The following RARB variants were observed in gnomAD, a reference collection of about 807,000 sequenced individuals.
RARB encodes HBV-activated protein.
RARB carries 17 observed loss-of-function variants against 51.9 expected under a neutral mutation model. The ratio of observed to expected loss-of-function variants is 0.33; its 90% CI spans 0.22 to 0.49. RARB has a LOEUF of 0.49. Among genes scored for constraint, RARB ranks in the 20% least tolerant of loss-of-function variants. The pLI, the probability that RARB is intolerant of heterozygous loss-of-function variation, is 0.99. For synonymous variants in RARB, 215 were observed against 195.4 expected, an observed-to-expected ratio of 1.10 and a Z score of -0.84; for missense variants, 369 against 550.8, an observed-to-expected ratio of 0.67 and a Z score of 3.30.
intron 5 of RARB, among the ~76,000 whole-genome samples, chr3:25,589,534 G>T (rs769911914): frequency 6.6e-6 from 1 of 152,206 alleles, no homozygotes; most frequent in South Asian, 2.1e-4. Context: ...GGCCCTCACC[G>T]TAAGAGAGGT....
At chr3:25,254,326 T>A (rs1475882246) in intron 5 of RARB, among the ~76,000 whole-genome samples, 1 of 152,206 alleles carries the variant, frequency 6.6e-6, no homozygotes, top group Admixed American at 6.5e-5. Flanking sequence ...AAGATTTACT[T>A]CTCTACATAG....
intron 5 of RARB, among the ~76,000 whole-genome samples, chr3:25,188,428 A>G (rs73145401): frequency 0.017 from 2,648 of 152,264 alleles, 84 homozygotes; most frequent in African/African-American, 0.061. Flanking sequence ...AGCTAAATCA[A>G]GATCAAAAGT....
chr3:25,363,820 C>G (rs562246750), intron 5 of RARB, among the ~76,000 whole-genome samples: 1 of 152,192 alleles, frequency 6.6e-6, no homozygotes, highest in Non-Finnish European at 1.5e-5. Flanking sequence ...TCAGCTTCAT[C>G]CCTACTAACA....
At chr3:25,539,060 C>T (rs1325143346) in intron 3 of RARB, among the ~76,000 whole-genome samples, 6 of 152,164 alleles carry the variant, frequency 3.9e-5, no homozygotes, top group African/African-American at 1.4e-4. Context: ...AACAGACAAC[C>T]GTTAATGACA....
intron 5 of RARB, among the ~76,000 whole-genome samples, chr3:25,219,668 AT>A (rs1197863250): frequency 6.6e-6 from 1 of 152,174 alleles, no homozygotes; most frequent in Non-Finnish European, 1.5e-5. Context: ...GCATCTTCAA[AT>A]TAAGCATGTG....
At chr3:25,038,060 A>C (rs1212267917) in intron 2 of RARB, among the ~76,000 whole-genome samples, 1 of 146,784 alleles carries the variant, frequency 6.8e-6, no homozygotes, top group African/African-American at 2.8e-5. Flanking sequence ...AAACCTCTCC[A>C]ATATCACTTA....
In RARB at chr3:25,514,634, G is replaced by A. The variant is rs1283268306; in HGVS notation, c.448+13311G>A. ...TTTTTTGGGGGAAGGGGATTATAAC[G>A]TCAGTTGGTCTGACTTCTAAACAAT... On this transcript the variant is annotated intron_variant, in intron 3 of 7. Transcript: ENST00000330688. 6.6e-5 allele frequency among the ~76,000 whole-genome samples: 10 copies of A among 152,174 alleles called. No individual in the cohort carries two copies. In the South Asian group the frequency reaches 8.3e-4, roughly 13 times the overall value.
intron 2 of RARB, among the ~76,000 whole-genome samples, chr3:25,486,152 T>A (rs774515814): frequency 6.6e-6 from 1 of 152,206 alleles, no homozygotes; most frequent in Non-Finnish European, 1.5e-5. Flanking sequence ...AGACTGGGCT[T>A]TCTTTAGCTC....
chr3:25,368,486 G>A (rs1049689727), intron 5 of RARB, among the ~76,000 whole-genome samples: 2 of 152,156 alleles, frequency 1.3e-5, no homozygotes, highest in Non-Finnish European at 2.9e-5. Context: ...GATGTTTACT[G>A]TAATATATTA....
intron 5 of RARB, among the ~76,000 whole-genome samples, chr3:25,353,435 G>A (rs1019487444): frequency 2.6e-5 from 4 of 151,972 alleles, no homozygotes; most frequent in East Asian, 3.9e-4. Flanking sequence ...TGTTTTCTGC[G>A]CTTGGCAGTA....
At chr3:25,068,201 CAA>C (rs996946462) in intron 3 of RARB, among the ~76,000 whole-genome samples, 1 of 95,474 alleles carries the variant, frequency 1.0e-5, no homozygotes, top group South Asian at 4.1e-4. Context: ...GTTCAACAGT[CAA>C]AAAATCTGTC....
At chr3:25,494,253 G>GCACACACACACA (rs57081618) in intron 2 of RARB, among the ~76,000 whole-genome samples, 4,968 of 131,868 alleles carry the variant, frequency 0.038, 253 homozygotes, top group African/African-American at 0.11. Context: ...TGTATCTTAC[G>GCACACACACACA]CACACACACA....
At chr3:25,089,153 A>G (rs1047920305) in intron 3 of RARB, among the ~76,000 whole-genome samples, 2 of 152,112 alleles carry the variant, frequency 1.3e-5, no homozygotes, top group Middle Eastern at 6.8e-3. Flanking sequence ...TTTTTTTTAA[A>G]CAAATTCATT....
intron 2 of RARB, among the ~76,000 whole-genome samples, chr3:24,941,659 G>A (rs115416759): frequency 0.038 from 5,735 of 152,148 alleles, 139 homozygotes; most frequent in Middle Eastern, 0.078. Flanking sequence ...ATGAGCCACC[G>A]TGCCCAGATA....
At chr3:25,504,054 C>T (rs755889630) in intron 3 of RARB, among the ~76,000 whole-genome samples, 7 of 152,198 alleles carry the variant, frequency 4.6e-5, no homozygotes, top group African/African-American at 9.7e-5. Flanking sequence ...AGCCATAGGA[C>T]ATGTCAGTTC....
intron 2 of RARB, among the ~76,000 whole-genome samples, chr3:24,959,779 A>G (rs557190087): frequency 1.1e-4 from 16 of 152,346 alleles, no homozygotes; most frequent in African/African-American, 3.1e-4. Context: ...AAGGGAGGCT[A>G]CAAGCAAAGA....
At chr3:25,035,421 CTTTTTT>C (rs140970899) in intron 2 of RARB, among the ~76,000 whole-genome samples, 16,646 of 120,576 alleles carry the variant, frequency 0.14, 978 homozygotes, top group South Asian at 0.21. Flanking sequence ...TGCGTCCAGC[CTTTTTT>C]TTTTTTTTTT....
intron 5 of RARB, among the ~76,000 whole-genome samples, chr3:25,293,695 A>G (rs1264332981): frequency 4.0e-5 from 6 of 151,282 alleles, no homozygotes; most frequent in Non-Finnish European, 7.4e-5. Flanking sequence ...TAGTATCTCT[A>G]TCTTTGCTTT....
chr3:24,953,128 G>A (rs575939294), intron 2 of RARB, among the ~76,000 whole-genome samples: 12 of 152,260 alleles, frequency 7.9e-5, no homozygotes, highest in East Asian at 1.9e-4. Context: ...ATAGATGCAC[G>A]TAGATAAAAG....
Sources: allele counts gnomAD v4.1 joint callset (sites outside exome capture counted in the v4.1 genomes callset), GRCh38; gene constraint gnomAD v4.1.1; transcripts MANE v1.5; gene names NCBI Gene and HGNC (gene_info 2026-07-23, HGNC 2026-07-21).